The following ACACA variants were observed in gnomAD, a reference collection of about 807,000 sequenced individuals.
ACACA encodes the protein acetyl-CoA carboxylase alpha, also known as acetyl-CoA carboxylase 1.
ACACA carries 103 observed loss-of-function variants against 296.1 expected under a neutral mutation model. The observed-to-expected ratio is 0.35, with a 90% confidence interval of 0.30 to 0.41. The LOEUF is 0.41. Among genes scored for constraint, ACACA ranks in the 10% least tolerant of loss-of-function variants. The pLI is 1.00. For synonymous variants in ACACA, 953 were observed against 1,038.6 expected (o/e 0.92, Z 1.58); for missense variants, 1,554 against 2,989.7 (o/e 0.52, Z 11.20).
chr17:37,170,193 T>C (rs4794749), intron 41 of ACACA, among the ~76,000 whole-genome samples: 92 of 152,046 alleles, frequency 6.1e-4, no homozygotes, highest in Admixed American at 1.1e-3. Context: ...TGAAAAGAGC[T>C]ACAGTGAATA....
intron 42 of ACACA, among the ~76,000 whole-genome samples, chr17:37,161,283 G>A (rs2076450249): frequency 6.6e-6 from 1 of 152,140 alleles, no homozygotes; most frequent in Non-Finnish European, 1.5e-5. Context: ...GGATCAAGGA[G>A]GACAATATTC....
At chr17:37,195,222 C>T (rs1432925508) in intron 35 of ACACA, among the ~76,000 whole-genome samples, 1 of 152,102 alleles carries the variant, frequency 6.6e-6, no homozygotes. Flanking sequence ...CTATTATTAG[C>T]TAATTAATTA....
chr17:37,245,305 T>C (rs369411519), intron 19 of ACACA, 91 bp from the exon 20 acceptor site: 2 of 1,322,288 alleles, frequency 1.5e-6, no homozygotes, highest in African/African-American at 2.9e-5. Context: ...AGCATCTAAG[T>C]TGGACCACAC....
At position 37,207,864 on chromosome 17, in the gene ACACA, C is replaced by G. The variant is rs891281845; in HGVS notation, c.3708-64G>C. 2.5e-6 allele frequency: 4 copies of G among 1,584,194 alleles called. No homozygotes were observed. The African/African-American group carries it at 5.4e-5, about 21-fold the overall frequency. On this transcript the variant is annotated intron_variant, in intron 30 of 55. Transcript: ENST00000616317. Reference sequence around the variant, plus strand: ...GTAGGAGCAAGGACTGGGAAAGTAACAGTAGGGAAAAGGAACTAGGAGAAA... The same window carrying G: ...GTAGGAGCAAGGACTGGGAAAGTAAGAGTAGGGAAAAGGAACTAGGAGAAA...
At chr17:37,130,294 A>T (rs1488782485) in intron 45 of ACACA, 76 bp from the exon 46 acceptor site, 15 of 1,565,804 alleles carry the variant, frequency 9.6e-6, no homozygotes, top group Non-Finnish European at 1.3e-5. Flanking sequence ...AGTCGCACTA[A>T]AATGGGTTCT....
chr17:37,211,640 T>G (rs1250658810), intron 29 of ACACA, among the ~76,000 whole-genome samples: 1 of 152,148 alleles, frequency 6.6e-6, no homozygotes, highest in Admixed American at 6.6e-5. Context: ...GCTGATGATA[T>G]GTGGAAAGGA....
chr17:37,397,800 T>G (rs2051128951), intron 1 of ACACA, among the ~76,000 whole-genome samples: 1 of 152,166 alleles, frequency 6.6e-6, no homozygotes, highest in Non-Finnish European at 1.5e-5. Flanking sequence ...CCTCCTTCAC[T>G]TGGTGCAGTG....
Position 37,129,326 on chromosome 17 carries a change from A to C in ACACA, c.5944+39T>G, listed in dbSNP as rs758063163. 3 of 1,613,286 alleles carry C rather than the reference A, an allele frequency of 1.9e-6. No homozygotes were observed. In the South Asian group the frequency reaches 3.3e-5, roughly 18 times the overall value. ...TGATTGAAAAGAACGCTAAAAGCTT[A>C]AGAGCCAGGTACCATGGGGTCCTCA... On this transcript the variant is annotated intron_variant, in intron 47 of 55. Transcript: ENST00000616317.
chr17:37,295,695 C>G (rs1456604732), intron 3 of ACACA, among the ~76,000 whole-genome samples: 2 of 152,008 alleles, frequency 1.3e-5, no homozygotes, highest in African/African-American at 2.4e-5. Context: ...GAGGCTGAGG[C>G]GGGTGGATCA....
chr17:37,176,587 A>G (rs1014975186), intron 41 of ACACA, among the ~76,000 whole-genome samples: 11 of 152,174 alleles, frequency 7.2e-5, no homozygotes, highest in Non-Finnish European at 1.3e-4. Context: ...CTCTTTGGCC[A>G]AAGAAAATTA....
chr17:37,296,083 A>G (rs1478303409), intron 3 of ACACA, among the ~76,000 whole-genome samples: 1 of 152,190 alleles, frequency 6.6e-6, no homozygotes, highest in African/African-American at 2.4e-5. Flanking sequence ...TACTTGGTAT[A>G]CACCCTGTGT....
In ACACA at chr17:37,161,953, C is replaced by G; in HGVS notation, c.5177G>C (p.Gly1726Ala). Residue 1726 changes from glycine to alanine, a missense_variant, in exon 42 of 56, where the codon GGG becomes GCG. Gly to Ala is a moderately conservative substitution (Grantham distance 60). Coordinates refer to ENST00000616317, the MANE Select transcript of ACACA (RefSeq NM_198834.3). Reference protein sequence around the residue: ...VIGNDITYRIGSFGPQEDLLF... With the variant: ...VIGNDITYRIASFGPQEDLLF... ...CAAATCCTCTTGAGGCCCAAAGGACCCAATTCGGTATGTGATGTCATTGCC... is the reference window on the plus strand; with the variant it reads ...CAAATCCTCTTGAGGCCCAAAGGACGCAATTCGGTATGTGATGTCATTGCC... 1 of 1,614,162 alleles carries G rather than the reference C, an allele frequency of 6.2e-7. No homozygotes were observed. Among genetic ancestry groups the G allele is most frequent in the Non-Finnish European group, 8.5e-7 (1 of 1,180,020 alleles).
In ACACA at chr17:37,085,285, A is replaced by G. The variant is rs983474431; in HGVS notation, c.*2031T>C. On this transcript the variant is annotated 3_prime_UTR_variant, in exon 56 of 56. Coordinates refer to ENST00000616317, the MANE Select transcript of ACACA (RefSeq NM_198834.3). The stretch of plus-strand genomic sequence containing the variant: ...CCTTGTCCAGGGTAAGACCTACAGT[A>G]AGGAGCTCTGGGGATGGGGGAGGAG... 4 of 233,938 alleles carry G rather than the reference A, an allele frequency of 1.7e-5. No homozygotes were observed. The highest frequency in any genetic ancestry group is 9.0e-5 in the African/African-American group (4 of 44,396). The allele number at this position is 233,938 out of a possible 1,614,324, so 14.5% of individuals were successfully genotyped here. A position where few individuals can be genotyped will look rare whatever the true frequency, so the allele number is the denominator to read the frequency against.
chr17:37,335,847 C>T (rs2048093159), intron 2 of ACACA, among the ~76,000 whole-genome samples: 1 of 152,126 alleles, frequency 6.6e-6, no homozygotes, highest in Non-Finnish European at 1.5e-5. Flanking sequence ...CCGCGGAAAG[C>T]GGGGGAACCT....
intron 1 of ACACA, among the ~76,000 whole-genome samples, chr17:37,362,025 T>TGG (rs1413297509): frequency 6.6e-6 from 1 of 152,164 alleles, no homozygotes; most frequent in Non-Finnish European, 1.5e-5. Flanking sequence ...GTCATAAGGG[T>TGG]GGGCCCTAAT....
chr17:37,351,947 T>C (rs970096168), intron 1 of ACACA, among the ~76,000 whole-genome samples: 2 of 148,100 alleles, frequency 1.4e-5, no homozygotes, highest in Non-Finnish European at 3.0e-5. Context: ...TTTTTTTTTT[T>C]TGAGACAGAG....
Position 37,390,305 on chromosome 17 carries a change from TA to T in ACACA, c.38+15956del, listed in dbSNP as rs1459743286. Among the ~76,000 whole-genome samples the T allele has an allele frequency of 1.9e-3, 31 of 16,098 alleles. 6 individuals are homozygous for T. The East Asian group carries it at 0.049, about 26-fold the overall frequency. 10.6% of individuals were successfully genotyped at this position (16,098 alleles called of 152,430 possible). ...TATATAATTATATATTATACATAAT[TA>T]TATATATATATATATATATATATAT... On this transcript the variant is annotated intron_variant, in intron 1 of 55. Coordinates refer to ENST00000616317, the MANE Select transcript of ACACA (RefSeq NM_198834.3).
In ACACA at chr17:37,381,676, G is replaced by A. The variant is rs540229356; in HGVS notation, c.38+24586C>T. Among the ~76,000 whole-genome samples, 342 of 140,166 alleles carry A rather than the reference G, an allele frequency of 2.4e-3. 4 individuals carry two copies. Among genetic ancestry groups the A allele is most frequent in the African/African-American group, 8.7e-3 (327 of 37,462 alleles). The allele number at this position is 140,166 out of a possible 152,430, so 92.0% of individuals were successfully genotyped here. A position where few individuals can be genotyped will look rare whatever the true frequency, so the allele number is the denominator to read the frequency against. On this transcript the variant is annotated intron_variant, in intron 1 of 55. Transcript: ENST00000616317. ...AGAGTCTCGCTCCGTTGCCCAGGCT[G>A]GAGTGCAGTGGTGCGATCTCAGCTC...
At chr17:37,291,052 AGCCTG>A (rs2083029889) in intron 3 of ACACA, among the ~76,000 whole-genome samples, 1 of 146,820 alleles carries the variant, frequency 6.8e-6, no homozygotes, top group South Asian at 2.2e-4. Context: ...ACTACACTCC[AGCCTG>A]GCAACAGAGC....
Sources: allele counts gnomAD v4.1 joint callset (sites outside exome capture counted in the v4.1 genomes callset), GRCh38; gene constraint gnomAD v4.1.1; transcripts MANE v1.5; gene names NCBI Gene and HGNC (gene_info 2026-07-23, HGNC 2026-07-21).